The following TET2 variants were observed in gnomAD, a reference collection of about 807,000 sequenced individuals.
The protein encoded by TET2 is tet methylcytosine dioxygenase 2, also known as methylcytosine dioxygenase TET2.
In TET2, 299 loss-of-function variants were observed where a neutral mutation model predicts 142.9. The observed-to-expected ratio is 2.09, with a 90% CI of 1.90 to 2.30. TET2 has a LOEUF of 2.30. Among genes scored for constraint, TET2 ranks in the 30% most tolerant of loss-of-function variants. The probability of loss-of-function intolerance (pLI) is 0.00; values close to 1 mark genes in which losing one functional copy is unlikely to be tolerated. For missense variants in TET2, 2,418 were observed against 2,378.0 expected, an observed-to-expected ratio of 1.02 and a Z score of -0.35; for synonymous variants, 819 against 849.0, an observed-to-expected ratio of 0.96 and a Z score of 0.61.
Position 105,234,951 on chromosome 4 carries a change from GA to G in TET2, c.1013del (p.Asn338IlefsTer9). ...TTTTGAGATATGCCCATCTCCTGCA[GA>G]AAATAACATCCAGGGAACCACAAAG... ...SVFEICPSPAENNIQGTTKLA... is the reference protein window; with the variant it reads ...SVFEICPSPAXNNIQGTTKLA... On this transcript the variant is annotated frameshift_variant, in exon 3 of 11. Transcript: ENST00000380013. LOFTEE classifies it high-confidence loss of function. 2 of 1,614,004 alleles carry G rather than the reference GA, an allele frequency of 1.2e-6. No individual in the cohort carries two copies. Among genetic ancestry groups the G allele is most frequent in the Non-Finnish European group, 1.7e-6 (2 of 1,179,988 alleles).
At chr4:105,261,299 T>C (rs1156655769) in intron 7 of TET2, among the ~76,000 whole-genome samples, 1 of 152,156 alleles carries the variant, frequency 6.6e-6, no homozygotes, top group Non-Finnish European at 1.5e-5. Context: ...ATATTTGAAG[T>C]GTCCAGTAAA....
In TET2 at chr4:105,233,834, A is replaced by ATAGG. The variant is rs58220804; in HGVS notation, c.-46-60_-46-59insGTAG. On this transcript the variant is annotated intron_variant, in intron 2 of 10. Transcript: ENST00000380013. The stretch of plus-strand genomic sequence containing the variant: ...TTCCTTAAGATATATTAGTATTTTT[A>ATAGG]TAGATAGATAGATAGATAGATAGAA... The ATAGG allele has an allele frequency of 3.3e-4, 66 of 202,126 alleles. No individual in the cohort carries two copies. In the African/African-American group the frequency reaches 5.7e-3, roughly 18 times the overall value. 12.5% of individuals were successfully genotyped at this position (202,126 alleles called of 1,614,324 possible). A position where few individuals can be genotyped will look rare whatever the true frequency, so the allele number is the denominator to read the frequency against.
intron 2 of TET2, among the ~76,000 whole-genome samples, chr4:105,199,689 C>G (rs886509750): frequency 1.3e-5 from 2 of 152,150 alleles, no homozygotes; most frequent in Non-Finnish European, 2.9e-5. Flanking sequence ...CCTCTCCCTC[C>G]TCCCACCCTC....
At chr4:105,200,445 AC>A (rs1726387319) in intron 2 of TET2, among the ~76,000 whole-genome samples, 1 of 149,798 alleles carries the variant, frequency 6.7e-6, no homozygotes. Flanking sequence ...GATGCTGGAT[AC>A]TATTGTCAGA....
chr4:105,206,715 GA>G (rs1726847451), intron 2 of TET2, among the ~76,000 whole-genome samples: 1 of 152,102 alleles, frequency 6.6e-6, no homozygotes, highest in African/African-American at 2.4e-5. Context: ...GCTAATGGGG[GA>G]TCTTTTCTAA....
At chr4:105,174,575 A>G (rs1395056836) in intron 1 of TET2, among the ~76,000 whole-genome samples, 1 of 152,168 alleles carries the variant, frequency 6.6e-6, no homozygotes, top group Non-Finnish European at 1.5e-5. Context: ...TACAAGGAAA[A>G]TTTTTGTGGG....
chr4:105,240,316 T>C (rs1729223815), intron 3 of TET2: 2 of 1,055,424 alleles, frequency 1.9e-6, no homozygotes, highest in Admixed American at 1.1e-4. Context: ...AAACGAGGTA[T>C]GCCTGTATTT....
At chr4:105,224,235 ATGTGGTGAGAGATACAGC>A (rs1477128125) in intron 2 of TET2, among the ~76,000 whole-genome samples, 1 of 152,150 alleles carries the variant, frequency 6.6e-6, no homozygotes, top group Non-Finnish European at 1.5e-5. Context: ...CTACAGCTTT[ATGTGGTGAGAGATACAGC>A]TACCATTCTT....
At chr4:105,240,468 G>A (rs1729231404) in intron 3 of TET2, 8 of 1,076,458 alleles carry the variant, frequency 7.4e-6, no homozygotes, top group Non-Finnish European at 9.1e-6. Context: ...TTTAGTCAAA[G>A]ACATTTGAAA....
chr4:105,183,248 A>G (rs1453725719), intron 1 of TET2, among the ~76,000 whole-genome samples: 1 of 152,144 alleles, frequency 6.6e-6, no homozygotes, highest in Non-Finnish European at 1.5e-5. Context: ...ATTACTAAAT[A>G]TAAGGAATAG....
intron 2 of TET2, among the ~76,000 whole-genome samples, chr4:105,204,432 G>A (rs1045306855): frequency 3.3e-5 from 5 of 152,074 alleles, no homozygotes; most frequent in Admixed American, 3.3e-4. Flanking sequence ...TAGACATCAT[G>A]TAATATCAGG....
In TET2 at chr4:105,275,763, T is replaced by TA; in HGVS notation, c.5258dup (p.Asn1753LysfsTer3). The TA allele has an allele frequency of 6.4e-7, 1 of 1,551,704 alleles. No homozygotes were observed. The highest frequency in any genetic ancestry group is 1.2e-5 in the South Asian group (1 of 84,060). ...ATCTGAGCAATCCAAACATGGACTATAAAAATGGTGAACATCATTCACCTT... is the reference window on the plus strand; with the variant it reads ...ATCTGAGCAATCCAAACATGGACTATAAAAAATGGTGAACATCATTCACCTT... On this transcript the variant is annotated frameshift_variant, in exon 11 of 11. Coordinates refer to ENST00000380013, the MANE Select transcript of TET2 (RefSeq NM_001127208.3). LOFTEE classifies it low-confidence loss of function (END_TRUNC).
intron 9 of TET2, among the ~76,000 whole-genome samples, chr4:105,271,757 C>T (rs1409484508): frequency 6.6e-6 from 1 of 152,170 alleles, no homozygotes; most frequent in Non-Finnish European, 1.5e-5. Flanking sequence ...TTAAAAACCA[C>T]AAATAATCTT....
At chr4:105,208,346 A>G (rs1405964192) in intron 2 of TET2, among the ~76,000 whole-genome samples, 4 of 152,134 alleles carry the variant, frequency 2.6e-5, no homozygotes, top group Non-Finnish European at 2.9e-5. Flanking sequence ...ACTGGTAGCA[A>G]ACATTCATTT....
chr4:105,252,513 G>C (rs1034527203), intron 6 of TET2, among the ~76,000 whole-genome samples: 2 of 152,158 alleles, frequency 1.3e-5, no homozygotes, highest in African/African-American at 4.8e-5. Context: ...AAAGTTTTCA[G>C]CTCCTTTGAG....
intron 6 of TET2, among the ~76,000 whole-genome samples, chr4:105,248,646 A>G (rs1729703511): frequency 6.6e-6 from 1 of 152,128 alleles, no homozygotes; most frequent in Non-Finnish European, 1.5e-5. Context: ...GTTTTTTTCT[A>G]ATTGAGATAT....
intron 3 of TET2, chr4:105,240,957 T>A: frequency 1.8e-6 from 2 of 1,083,090 alleles, no homozygotes; most frequent in Non-Finnish European, 2.3e-6. Flanking sequence ...AAAATCCAAG[T>A]AATAGGTAGG....
At position 105,269,556 on chromosome 4, in the gene TET2, G is replaced by A. The variant is rs77769710; in HGVS notation, c.4045-54G>A. 1,856 of 1,527,888 alleles carry A rather than the reference G, an allele frequency of 1.2e-3. 35 individuals are homozygous for A. The East Asian group carries it at 0.031, about 26-fold the overall frequency. 94.6% of individuals were successfully genotyped at this position (1,527,888 alleles called of 1,614,324 possible). ...ATGGTCTAAATACTAGTGAGTTTTCGGTGTAAGAGTAAAACTAACTACTTT... is the reference window on the plus strand; with the variant it reads ...ATGGTCTAAATACTAGTGAGTTTTCAGTGTAAGAGTAAAACTAACTACTTT... On this transcript the variant is annotated intron_variant, in intron 8 of 10. Transcript: ENST00000380013.
intron 1 of TET2, among the ~76,000 whole-genome samples, chr4:105,179,577 C>T (rs1725000502): frequency 6.6e-6 from 1 of 152,088 alleles, no homozygotes; most frequent in Non-Finnish European, 1.5e-5. Flanking sequence ...CATCTATCCT[C>T]AAAAAATGAA....
Sources: gnomAD v4.1 joint callset for allele counts (sites outside exome capture counted in the v4.1 genomes callset) on GRCh38, gnomAD v4.1.1 for gene constraint, MANE v1.5 for transcripts, NCBI Gene and HGNC (gene_info 2026-07-23, HGNC 2026-07-21) for gene names.